Variants in SMG7 observed in about 807,000 individuals in gnomAD.
The protein encoded by SMG7 is nonsense-mediated mRNA decay factor SMG7.
Under a neutral mutation model 148.2 loss-of-function variants are expected in SMG7, and 34 were observed. That is an observed-to-expected ratio of 0.23 (90% CI 0.17 to 0.31). SMG7 has a LOEUF of 0.31. Among genes scored for constraint, SMG7 ranks in the 10% least tolerant of loss-of-function variants. The pLI, the probability that SMG7 is intolerant of heterozygous loss-of-function variation, is 1.00. For synonymous variants in SMG7, 492 were observed against 515.1 expected (o/e 0.96, Z 0.61); for missense variants, 1,114 against 1,408.4 (o/e 0.79, Z 3.35).
Position 183,550,932 on chromosome 1 carries a change from C to T in SMG7, c.3304+11C>T. On this transcript the variant is annotated intron_variant, in intron 21 of 22. Transcript: ENST00000688051. ...AAACTGATAAGCCAGGTGAGATCTA[C>T]ATTTCATTGCCAGGCAAAATTGAAA... 3.7e-6 allele frequency: 6 copies of T among 1,614,016 alleles called. No individual in the cohort carries two copies. The highest frequency in any genetic ancestry group is 5.1e-6 in the Non-Finnish European group (6 of 1,179,926).
intron 3 of SMG7, 71 bp downstream of exon 3, chr1:183,516,062 G>T (rs1466859133): frequency 7.6e-6 from 7 of 925,880 alleles, no homozygotes; most frequent in Non-Finnish European, 1.0e-5. Flanking sequence ...AAACAGTTTG[G>T]TTCGTTATTT....
At chr1:183,512,719 C>T in intron 1 of SMG7, 118 bp from the exon 2 acceptor site, 5 of 923,364 alleles carry the variant, frequency 5.4e-6, no homozygotes, top group African/African-American at 3.4e-5. Context: ...AATATAGCTG[C>T]TGTATATCCT....
chr1:183,472,517 A>AAG lies in SMG7; in HGVS notation c.-102_-101dup. 9.0e-7 allele frequency: 1 copy of AAG among 1,107,802 alleles called. No individual in the cohort carries two copies. Among genetic ancestry groups the AAG allele is most frequent in the Non-Finnish European group, 1.2e-6 (1 of 832,080 alleles). 68.6% of individuals were successfully genotyped at this position (1,107,802 alleles called of 1,614,324 possible). A position where few individuals can be genotyped will look rare whatever the true frequency, so the allele number is the denominator to read the frequency against. ...GAGCGAGGAGGAGCCGGAGGAGAGGAAGATGGCGGCGGCCGCCAGCACCCG... is the reference window on the plus strand; with the variant it reads ...GAGCGAGGAGGAGCCGGAGGAGAGGAAGAGATGGCGGCGGCCGCCAGCACCCG... On this transcript the variant is annotated 5_prime_UTR_variant, in exon 1 of 23. It adds an upstream start codon to the 5' untranslated region. Coordinates refer to ENST00000688051, the MANE Select transcript of SMG7 (RefSeq NM_001375584.1).
In SMG7 at chr1:183,501,749, A is replaced by G. The variant is rs1043821439; in HGVS notation, c.30-11088A>G. ...ACACTTAGTCCTTAACACTGTATCT[A>G]TGATATAAAAATGACCAAATTTGTA... On this transcript the variant is annotated intron_variant, in intron 1 of 22. Transcript: ENST00000688051. Among the ~76,000 whole-genome samples, 5 of 152,228 alleles carry G rather than the reference A, an allele frequency of 3.3e-5. No individual in the cohort carries two copies. In the South Asian group the frequency reaches 6.2e-4, roughly 19 times the overall value.
At chr1:183,509,224 C>T (rs905145887) in intron 1 of SMG7, among the ~76,000 whole-genome samples, 5 of 152,072 alleles carry the variant, frequency 3.3e-5, no homozygotes, top group African/African-American at 1.2e-4. Context: ...CCACGGCATT[C>T]GAGTATAAAA....
intron 10 of SMG7, among the ~76,000 whole-genome samples, chr1:183,535,788 C>G (rs942885391): frequency 6.6e-6 from 1 of 152,040 alleles, no homozygotes; most frequent in African/African-American, 2.4e-5. Context: ...TCCACTCATG[C>G]GCTTTTTCTA....
chr1:183,536,347 C>T (rs1667791946), intron 10 of SMG7, among the ~76,000 whole-genome samples: 2 of 152,066 alleles, frequency 1.3e-5, no homozygotes, highest in Non-Finnish European at 2.9e-5. Flanking sequence ...ACTCAAACTA[C>T]TTGGATTTGT....
intron 1 of SMG7, among the ~76,000 whole-genome samples, chr1:183,500,749 A>G (rs955064754): frequency 1.3e-5 from 2 of 152,182 alleles, no homozygotes; most frequent in African/African-American, 2.4e-5. Context: ...GTGGGAGGGC[A>G]TTCTAGGATG....
At chr1:183,533,091 C>T in intron 8 of SMG7, 73 bp from the exon 9 acceptor site, 1 of 1,268,256 alleles carries the variant, frequency 7.9e-7, no homozygotes, top group East Asian at 2.4e-5. Flanking sequence ...TGCAGACTAC[C>T]AGTTTAATTT....
At chr1:183,525,917 A>G (rs1177831052) in intron 4 of SMG7, among the ~76,000 whole-genome samples, 1 of 152,158 alleles carries the variant, frequency 6.6e-6, no homozygotes, top group Non-Finnish European at 1.5e-5. Context: ...TTTAAGTCAA[A>G]TTTGTAACCA....
At chr1:183,481,372 T>C (rs548980484) in intron 1 of SMG7, among the ~76,000 whole-genome samples, 1 of 152,332 alleles carries the variant, frequency 6.6e-6, no homozygotes, top group African/African-American at 2.4e-5. Context: ...GATTTCTGCA[T>C]TCTTTAAACT....
intron 1 of SMG7, among the ~76,000 whole-genome samples, chr1:183,478,963 A>G (rs1485633166): frequency 1.4e-4 from 22 of 152,336 alleles, no homozygotes; most frequent in Non-Finnish European, 1.2e-4. Context: ...TGTTATGAAT[A>G]GACTTATCAG....
intron 1 of SMG7, among the ~76,000 whole-genome samples, chr1:183,509,659 G>T (rs902720341): frequency 6.6e-6 from 1 of 152,108 alleles, no homozygotes; most frequent in African/African-American, 2.4e-5. Flanking sequence ...TAATTAACTT[G>T]TGCTTCTTTC....
intron 8 of SMG7, among the ~76,000 whole-genome samples, chr1:183,531,536 T>TA (rs1298828030): frequency 3.3e-5 from 5 of 152,168 alleles, no homozygotes; most frequent in Admixed American, 2.6e-4. Context: ...AAGTGTTTAT[T>TA]AAGTACCCGC....
chr1:183,477,398 T>TG (rs1553230368), intron 1 of SMG7, among the ~76,000 whole-genome samples: 2 of 132,962 alleles, frequency 1.5e-5, no homozygotes, highest in East Asian at 4.8e-4. Context: ...CTGTTTTGTT[T>TG]TGTGTGTGTG....
Position 183,527,145 on chromosome 1 carries a change from T to C in SMG7, c.484+378T>C, listed in dbSNP as rs1024079600. On this transcript the variant is annotated intron_variant, in intron 5 of 22. Coordinates refer to ENST00000688051, the MANE Select transcript of SMG7 (RefSeq NM_001375584.1). This position sits in a 1 kb window ranked among gnomAD's most constrained non-coding sequence, Gnocchi z 4.0. The stretch of plus-strand genomic sequence containing the variant: ...ACTCCTGAAGCGAAATTGCCTTCTT[T>C]CTTTCTTACCAATGGACTAAAAGTT... 6.6e-6 allele frequency among the ~76,000 whole-genome samples: 1 copy of C among 152,220 alleles called. No homozygotes were observed. The highest frequency in any genetic ancestry group is 1.5e-5 in the Non-Finnish European group (1 of 68,032).
intron 1 of SMG7, chr1:183,502,299 G>C (rs1311961793): frequency 6.5e-7 from 1 of 1,534,376 alleles, no homozygotes; most frequent in Non-Finnish European, 8.7e-7. Flanking sequence ...TGTTCTTGCA[G>C]ATAGTCATTG....
chr1:183,553,407 TAC>T lies in SMG7; in HGVS notation c.*1483_*1484del. On this transcript the variant is annotated 3_prime_UTR_variant, in exon 23 of 23. Transcript: ENST00000688051. ...TCCTTTGTGTGTCTGTATGTTTGTGTACACACACGTGCCCATCTGCTGTCCCA... is the reference window on the plus strand; with the variant it reads ...TCCTTTGTGTGTCTGTATGTTTGTGTACACACGTGCCCATCTGCTGTCCCA... 1.8e-6 allele frequency: 1 copy of T among 569,184 alleles called. No homozygotes were observed. The highest frequency in any genetic ancestry group is 2.0e-5 in the South Asian group (1 of 48,786). 35.3% of individuals were successfully genotyped at this position (569,184 alleles called of 1,614,324 possible).
rs1324985340 is a variant in SMG7 at position 183,552,370 on chromosome 1, T to G, written c.*439T>G. ...ATTGCTTTGCTGACTGAGAATGTAG[T>G]TGAAATTATTCTTAAACATCTTTTA... On this transcript the variant is annotated 3_prime_UTR_variant, in exon 23 of 23. Coordinates refer to ENST00000688051, the MANE Select transcript of SMG7 (RefSeq NM_001375584.1). 20 of 985,664 alleles carry G rather than the reference T, an allele frequency of 2.0e-5. No homozygotes were observed. The highest frequency in any genetic ancestry group is 6.2e-5 in the Admixed American group (1 of 16,072). 61.1% of individuals were successfully genotyped at this position (985,664 alleles called of 1,614,324 possible). A position where few individuals can be genotyped will look rare whatever the true frequency, so the allele number is the denominator to read the frequency against.
Sources: allele counts gnomAD v4.1 joint callset (sites outside exome capture counted in the v4.1 genomes callset), GRCh38; gene constraint gnomAD v4.1.1; non-coding constraint Gnocchi (gnomAD v3.1); transcripts MANE v1.5; gene names NCBI Gene and HGNC (gene_info 2026-07-23, HGNC 2026-07-21).